The following CEP128 variants were observed in gnomAD, a reference collection of about 807,000 sequenced individuals.
The protein encoded by CEP128 is centrosomal protein 128, also known as centrosomal protein 128kDa.
CEP128 carries 132 observed loss-of-function variants against 156.7 expected under a neutral mutation model. The observed-to-expected ratio is 0.84, with a 90% CI of 0.73 to 0.97. The LOEUF (loss-of-function observed/expected upper bound fraction) is 0.97, where lower values mean the gene tolerates loss of function less well. CEP128 is among the 50% of genes least tolerant of loss of function. CEP128 has a pLI of 0.00. For missense variants in CEP128, 1,252 were observed against 1,281.9 expected (o/e 0.98, Z 0.36); for synonymous variants, 469 against 448.9 (o/e 1.04, Z -0.57).
chr14:80,675,414 T>C (rs1274675172), intron 19 of CEP128, among the ~76,000 whole-genome samples: 1 of 152,102 alleles, frequency 6.6e-6, no homozygotes, highest in Non-Finnish European at 1.5e-5. Flanking sequence ...CGCCAATTCA[T>C]GAAACCCTGG....
chr14:80,668,679 T>C (rs1277053268), intron 19 of CEP128, among the ~76,000 whole-genome samples: 1 of 152,132 alleles, frequency 6.6e-6, no homozygotes, highest in East Asian at 1.9e-4. Flanking sequence ...ACAGAAAATT[T>C]TGAGTTCTCA....
intron 4 of CEP128, among the ~76,000 whole-genome samples, chr14:80,911,720 G>A (rs754321971): frequency 6.6e-6 from 1 of 152,124 alleles, no homozygotes; most frequent in African/African-American, 2.4e-5. Context: ...TTAGAACAAT[G>A]CCTGAGGTAG....
chr14:80,583,086 G>T (rs1037075229), intron 19 of CEP128, among the ~76,000 whole-genome samples: 3 of 151,890 alleles, frequency 2.0e-5, no homozygotes, highest in Non-Finnish European at 4.4e-5. Context: ...AAGGAAAGAA[G>T]TCCAGTCTAC....
At chr14:80,902,002 C>A (rs1252606216) in intron 6 of CEP128, among the ~76,000 whole-genome samples, 1 of 152,174 alleles carries the variant, frequency 6.6e-6, no homozygotes, top group Non-Finnish European at 1.5e-5. Context: ...TATCTTCCCT[C>A]CTGCCAAGCC....
At chr14:80,839,232 T>C (rs1469620753) in intron 10 of CEP128, among the ~76,000 whole-genome samples, 1 of 152,264 alleles carries the variant, frequency 6.6e-6, no homozygotes, top group African/African-American at 2.4e-5. Context: ...GCTAGACTTG[T>C]TTGCATTCTG....
chr14:80,940,834 CTG>C (rs1264937659), intron 1 of CEP128, among the ~76,000 whole-genome samples: 1 of 152,136 alleles, frequency 6.6e-6, no homozygotes, highest in Non-Finnish European at 1.5e-5. Context: ...GTGGCTCACA[CTG>C]TATTTGTATT....
intron 14 of CEP128, among the ~76,000 whole-genome samples, chr14:80,790,894 T>C (rs1282811867): frequency 1.3e-5 from 2 of 152,104 alleles, no homozygotes; most frequent in Non-Finnish European, 2.9e-5. Context: ...AGGCTACTTA[T>C]TAAGTAATTT....
At chr14:80,904,007 G>A (rs1362962672) in intron 6 of CEP128, among the ~76,000 whole-genome samples, 1 of 152,092 alleles carries the variant, frequency 6.6e-6, no homozygotes, top group Non-Finnish European at 1.5e-5. Context: ...CAAAGCTACT[G>A]AAATCAGTAT....
At chr14:80,541,846 G>A (rs1889777481) in intron 21 of CEP128, among the ~76,000 whole-genome samples, 1 of 152,144 alleles carries the variant, frequency 6.6e-6, no homozygotes, top group Non-Finnish European at 1.5e-5. Flanking sequence ...CCTGTAACAT[G>A]ACAGTTAAGA....
chr14:80,523,983 G>A (rs1003640510), intron 23 of CEP128, among the ~76,000 whole-genome samples: 1 of 152,180 alleles, frequency 6.6e-6, no homozygotes, highest in African/African-American at 2.4e-5. Context: ...ATGAATAAAT[G>A]AGTGTGGTTG....
chr14:80,932,913 T>C (rs1885549913), intron 2 of CEP128, among the ~76,000 whole-genome samples: 1 of 151,224 alleles, frequency 6.6e-6, no homozygotes, highest in Admixed American at 6.6e-5. Flanking sequence ...TAATAATGAT[T>C]TTTTAAAAGG....
intron 18 of CEP128, among the ~76,000 whole-genome samples, chr14:80,754,001 T>C (rs1490359665): frequency 1.3e-5 from 2 of 152,210 alleles, no homozygotes; most frequent in Non-Finnish European, 2.9e-5. Context: ...CTGGTTTCTC[T>C]ACCTCAAATC....
chr14:80,894,468 G>T, intron 8 of CEP128: 5 of 367,418 alleles, frequency 1.4e-5, no homozygotes, highest in Admixed American at 8.2e-5. Flanking sequence ...TTTGAAGTAT[G>T]TGATGTTTTA....
chr14:80,906,436 G>C (rs1883889990), intron 4 of CEP128, among the ~76,000 whole-genome samples: 1 of 152,140 alleles, frequency 6.6e-6, no homozygotes, highest in Non-Finnish European at 1.5e-5. Flanking sequence ...ACTGAAAGAA[G>C]ACAGAAAGCT....
chr14:80,617,217 A>ATTTTTTT (rs1555382736), intron 19 of CEP128, among the ~76,000 whole-genome samples: 11 of 43,144 alleles, frequency 2.5e-4, no homozygotes, highest in Non-Finnish European at 3.0e-4. Context: ...TGTGAATATC[A>ATTTTTTT]TCTTTTTTTT....
chr14:80,926,215 G>C (rs1237335589), intron 2 of CEP128, among the ~76,000 whole-genome samples: 2 of 152,138 alleles, frequency 1.3e-5, no homozygotes, highest in Admixed American at 1.3e-4. Context: ...TGACCAGGAG[G>C]GGCACGACCT....
At chr14:80,477,747 T>C (rs1295538357) in exon 15 of CEP128, 1 of 151,992 alleles carries the variant, frequency 6.6e-6, no homozygotes, top group Non-Finnish European at 1.5e-5. Context: ...TTTCTGTCTG[T>C]TAATGATAGC....
intron 8 of CEP128, among the ~76,000 whole-genome samples, chr14:80,875,536 A>T (rs1888240820): frequency 6.6e-6 from 1 of 152,218 alleles, no homozygotes; most frequent in African/African-American, 2.4e-5. Context: ...GAAGATCTAG[A>T]TAATGAAGCT....
intron 19 of CEP128, among the ~76,000 whole-genome samples, chr14:80,695,507 G>C (rs994231933): frequency 6.6e-6 from 1 of 151,972 alleles, no homozygotes; most frequent in Non-Finnish European, 1.5e-5. Flanking sequence ...CTTGAGGTCA[G>C]GAGTTTGACC....
Sources: gnomAD v4.1 joint callset for allele counts (sites outside exome capture counted in the v4.1 genomes callset) on GRCh38, gnomAD v4.1.1 for gene constraint, MANE v1.5 for transcripts, NCBI Gene and HGNC (gene_info 2026-07-23, HGNC 2026-07-21) for gene names.